Variants in CCDC57 observed in about 807,000 individuals in gnomAD.
The protein encoded by CCDC57 is coiled-coil domain containing 57.
CCDC57 carries 118 observed loss-of-function variants against 118.9 expected under a neutral mutation model. The observed-to-expected ratio is 0.99, with a 90% CI of 0.86 to 1.16. CCDC57 has a LOEUF of 1.16. CCDC57 is among the 50% of genes most tolerant of loss of function. The pLI is 0.00. For missense variants in CCDC57, 1,300 were observed against 1,320.7 expected, an observed-to-expected ratio of 0.98 and a Z score of 0.24; for synonymous variants, 527 against 532.9, an observed-to-expected ratio of 0.99 and a Z score of 0.15.
intron 16 of CCDC57, among the ~76,000 whole-genome samples, chr17:82,148,790 AGATGGTAGATGGATG>A (rs1304381022): frequency 7.0e-5 from 1 of 14,282 alleles, no homozygotes; most frequent in Non-Finnish European, 1.2e-4. Flanking sequence ...GTGGGTGGAT[AGATGGTAGATGGATG>A]GATGGGTGGG....
intron 11 of CCDC57, among the ~76,000 whole-genome samples, chr17:82,177,956 T>C (rs1467764093): frequency 6.6e-6 from 1 of 152,228 alleles, no homozygotes; most frequent in Non-Finnish European, 1.5e-5. Flanking sequence ...TCCCTCTGCC[T>C]GTGGACCCAG....
intron 13 of CCDC57, among the ~76,000 whole-genome samples, chr17:82,163,879 C>G (rs2043649335): frequency 6.6e-6 from 1 of 152,098 alleles, no homozygotes; most frequent in Non-Finnish European, 1.5e-5. Flanking sequence ...ACATTCATCT[C>G]AAGAAATTAG....
intron 16 of CCDC57, among the ~76,000 whole-genome samples, chr17:82,147,565 G>A (rs55905076): frequency 0.46 from 64,614 of 139,888 alleles, 15,677 homozygotes; most frequent in East Asian, 0.87. Context: ...GGATGGGTGG[G>A]TGGGTGTACG....
At chr17:82,183,618 G>A (rs1309355292) in intron 9 of CCDC57, among the ~76,000 whole-genome samples, 156 bp downstream of exon 8, 1 of 152,054 alleles carries the variant, frequency 6.6e-6, no homozygotes, top group Non-Finnish European at 1.5e-5. Flanking sequence ...CCACCCCTGC[G>A]TGACCAGACA....
chr17:82,161,928 C>T (rs1447723988), intron 14 of CCDC57, among the ~76,000 whole-genome samples: 3 of 151,882 alleles, frequency 2.0e-5, no homozygotes, highest in African/African-American at 7.3e-5. Flanking sequence ...GTGCTTAATG[C>T]CACTGAAAGG....
At chr17:82,206,239 T>C (rs2049624764) in intron 2 of CCDC57, among the ~76,000 whole-genome samples, 1 of 152,258 alleles carries the variant, frequency 6.6e-6, no homozygotes, top group East Asian at 1.9e-4. Context: ...TTTCTCATTT[T>C]AAAAATACTG....
chr17:82,202,542 G>A (rs1382058711), intron 2 of CCDC57, among the ~76,000 whole-genome samples: 1 of 151,864 alleles, frequency 6.6e-6, no homozygotes, highest in Non-Finnish European at 1.5e-5. Context: ...CTGAGGTCAG[G>A]AGTTTGAGAC....
In CCDC57 at chr17:82,188,618, G is replaced by C. The variant is rs568001686; in HGVS notation, c.852-199C>G. Reference sequence around the variant, plus strand: ...GGACCAAGCCACTTTTCGATGCCAGGCCCCTGGCCTGCCCTCCAGAGCCCA... The same window carrying C: ...GGACCAAGCCACTTTTCGATGCCAGCCCCCTGGCCTGCCCTCCAGAGCCCA... On this transcript the variant is annotated intron_variant, in intron 7 of 19. Transcript: ENST00000665763. Among the ~76,000 whole-genome samples the C allele has an allele frequency of 8.1e-4, 124 of 152,352 alleles. 2 individuals are homozygous for C. The highest frequency in any genetic ancestry group is 1.2e-3 in the Non-Finnish European group (84 of 68,034).
chr17:82,170,242 T>A (rs1339931923), intron 13 of CCDC57, among the ~76,000 whole-genome samples: 1 of 151,944 alleles, frequency 6.6e-6, no homozygotes, highest in Non-Finnish European at 1.5e-5. Flanking sequence ...GGGCGCGGTG[T>A]CTCACGCCTG....
At position 82,178,343 on chromosome 17, in the gene CCDC57, T is replaced by G. The variant is rs2045786221; in HGVS notation, c.1506+131A>C. 7 of 1,081,372 alleles carry G rather than the reference T, an allele frequency of 6.5e-6. No individual in the cohort carries two copies. In the South Asian group the frequency reaches 1.3e-4, roughly 20 times the overall value. 67.0% of individuals were successfully genotyped at this position (1,081,372 alleles called of 1,614,324 possible). On this transcript the variant is annotated intron_variant, in intron 11 of 19. Coordinates refer to ENST00000665763, the Ensembl canonical transcript of CCDC57. ...AAAGCTTCTGACTCACCCTTGTTTG[T>G]GCAACAGGTCATTTAAAAAGAACAC...
chr17:82,175,337 G>A (rs1470845941), intron 11 of CCDC57, among the ~76,000 whole-genome samples: 2 of 152,244 alleles, frequency 1.3e-5, no homozygotes, highest in African/African-American at 4.8e-5. Flanking sequence ...CTCACTGGCT[G>A]AGCAGGCCCA....
At chr17:82,145,229 A>G (rs1239041315) in intron 16 of CCDC57, among the ~76,000 whole-genome samples, 2 of 143,434 alleles carry the variant, frequency 1.4e-5, no homozygotes, top group Non-Finnish European at 3.0e-5. Flanking sequence ...GGGTTTCATC[A>G]TGTTGGCCAG....
chr17:82,178,533 C>T, exon 11 of CCDC57: 1 of 1,613,832 alleles, frequency 6.2e-7, no homozygotes, highest in Non-Finnish European at 8.5e-7. Flanking sequence ...TGGTCTCGTT[C>T]CAGGGTCACG....
Position 82,172,692 on chromosome 17 carries a change from T to A in CCDC57, c.1675A>T (p.Ser559Cys), listed in dbSNP as rs2044899982. ...GGGTCAGGCTGGTTTGCATCTGTGC[T>A]CTCTGCCGCTGTCTGGATGGGAGGA... is the stretch of plus-strand genomic sequence containing the variant. The change falls in exon 12 of 20, where the codon AGC (serine) becomes TGC (cysteine). Residue 559 changes from serine to cysteine, a missense_variant. Physicochemically the swap from Ser to Cys is moderately radical, Grantham distance 112 (BLOSUM62 -1). Coordinates refer to ENST00000665763, the Ensembl canonical transcript of CCDC57. This position sits in a 1 kb window ranked among gnomAD's most constrained non-coding sequence, Gnocchi z 5.2. 1 of 1,561,944 alleles carries A rather than the reference T, an allele frequency of 6.4e-7. No individual in the cohort carries two copies. Among genetic ancestry groups the A allele is most frequent in the African/African-American group, 1.4e-5 (1 of 73,750 alleles).
chr17:82,202,282 C>CTTT (rs1317819173), intron 2 of CCDC57, among the ~76,000 whole-genome samples: 2 of 152,174 alleles, frequency 1.3e-5, no homozygotes, highest in African/African-American at 4.8e-5. Flanking sequence ...GCCTGGCTAA[C>CTTT]ATGGTGAAAC....
intron 19 of CCDC57, among the ~76,000 whole-genome samples, chr17:82,126,079 G>A (rs968483570): frequency 2.0e-5 from 3 of 152,098 alleles, no homozygotes; most frequent in African/African-American, 7.2e-5. Flanking sequence ...TCAGGAGTTC[G>A]AGACGAGCCA....
intron 4 of CCDC57, among the ~76,000 whole-genome samples, chr17:82,197,283 G>GCACAGCCC (rs1178777783): frequency 6.6e-6 from 1 of 151,296 alleles, no homozygotes. Flanking sequence ...ACCTGCACAG[G>GCACAGCCC]CACAGCCCCT....
At chr17:82,107,390 G>GGGAGTGA (rs2034930416) in intron 19 of CCDC57, 1 of 466,394 alleles carries the variant, frequency 2.1e-6, no homozygotes, top group African/African-American at 2.0e-5. Context: ...GTGGGGAGTG[G>GGGAGTGA]CTGCCTCGAA....
At position 82,172,029 on chromosome 17, in the gene CCDC57, G is replaced by C. The variant is rs2044809247; in HGVS notation, c.1730-176C>G. On this transcript the variant is annotated intron_variant, in intron 12 of 19. Transcript: ENST00000665763. This position sits in a 1 kb window ranked among gnomAD's most constrained non-coding sequence, Gnocchi z 5.2. ...CCACACTCTCTGTGTGTGTCAGACT[G>C]AAAGACCTTCCCTCCCCTCACTGGC... Among the ~76,000 whole-genome samples the C allele has an allele frequency of 1.3e-5, 2 of 152,176 alleles. No homozygotes were observed. The highest frequency in any genetic ancestry group is 4.8e-5 in the African/African-American group (2 of 41,432).
Sources: gnomAD v4.1 joint callset for allele counts (sites outside exome capture counted in the v4.1 genomes callset) on GRCh38, gnomAD v4.1.1 for gene constraint, Gnocchi (gnomAD v3.1) non-coding constraint, MANE v1.5 for transcripts, NCBI Gene and HGNC (gene_info 2026-07-23, HGNC 2026-07-21) for gene names.